Variants in ARHGEF26 observed in about 807,000 individuals in gnomAD.
The protein encoded by ARHGEF26 is Rho guanine nucleotide exchange factor (GEF) 26.
In ARHGEF26, 59 loss-of-function variants were observed where a neutral mutation model predicts 89.4. The ratio of observed to expected loss-of-function variants is 0.66; its 90% CI spans 0.54 to 0.82. The LOEUF is 0.82. Ranked by LOEUF, ARHGEF26 falls within the 40% of genes least tolerant of loss-of-function variation. The probability of loss-of-function intolerance (pLI) is 0.00; values close to 1 mark genes in which losing one functional copy is unlikely to be tolerated. For synonymous variants in ARHGEF26, 500 were observed against 428.4 expected (o/e 1.17, Z -2.06); for missense variants, 1,234 against 1,085.6 (o/e 1.14, Z -1.92).
intron 9 of ARHGEF26, among the ~76,000 whole-genome samples, chr3:154,199,918 C>G (rs920754759): frequency 6.6e-6 from 1 of 151,800 alleles, no homozygotes; most frequent in African/African-American, 2.4e-5. Flanking sequence ...GATTTTTTTT[C>G]TATAGAGTTA....
intron 4 of ARHGEF26, among the ~76,000 whole-genome samples, chr3:154,135,506 C>A (rs1218947439): frequency 6.6e-6 from 1 of 152,038 alleles, no homozygotes; most frequent in Non-Finnish European, 1.5e-5. Context: ...GGTTTTGAAA[C>A]CTCAATGACT....
In ARHGEF26 at chr3:154,253,093, G is replaced by A. The variant is rs780421854; in HGVS notation, c.2301-23G>A. ...GTGTTTTTACACCTTGAGTCTCTCA[G>A]TTGGATCTGCCCTCTGTTTTAGGAG... On this transcript the variant is annotated intron_variant, in intron 12 of 14. Coordinates refer to ENST00000465093, the MANE Select transcript of ARHGEF26 (RefSeq NM_015595.4). 2.5e-6 allele frequency: 4 copies of A among 1,613,596 alleles called. No homozygotes were observed. The South Asian group carries it at 3.3e-5, about 13-fold the overall frequency.
chr3:154,125,298 T>C (rs1718263289), intron 3 of ARHGEF26, among the ~76,000 whole-genome samples: 1 of 152,200 alleles, frequency 6.6e-6, no homozygotes, highest in Non-Finnish European at 1.5e-5. Flanking sequence ...CTATATAATT[T>C]TTATAAAGAT....
intron 6 of ARHGEF26, among the ~76,000 whole-genome samples, chr3:154,175,479 G>T (rs1156967977): frequency 6.6e-6 from 1 of 151,952 alleles, no homozygotes; most frequent in East Asian, 1.9e-4. Flanking sequence ...CTGGAGATGT[G>T]TAAAAGAAAA....
At chr3:154,253,245 G>A (rs541621878) in intron 13 of ARHGEF26, 62 bp downstream of exon 13, 6 of 1,586,550 alleles carry the variant, frequency 3.8e-6, no homozygotes, top group Non-Finnish European at 5.2e-6. Context: ...CCTGCTGGAC[G>A]CCGGGTTACT....
intron 11 of ARHGEF26, among the ~76,000 whole-genome samples, 191 bp from the exon 12 acceptor site, chr3:154,240,179 T>C (rs72994653): frequency 0.011 from 1,730 of 152,268 alleles, 10 homozygotes; most frequent in African/African-American, 0.023. Context: ...TTAGGTTTAA[T>C]TGGAGGGGGT....
chr3:154,129,446 A>T, intron 3 of ARHGEF26, 128 bp from the exon 4 acceptor site: 2 of 1,032,328 alleles, frequency 1.9e-6, no homozygotes, highest in Non-Finnish European at 2.8e-6. Context: ...TTCTTCAGGG[A>T]CTAAATCTGT....
In ARHGEF26 at chr3:154,217,892, C is replaced by T. The variant is rs200935548; in HGVS notation, c.1869C>T (p.Gly623=). 71 of 1,601,786 alleles carry T rather than the reference C, an allele frequency of 4.4e-5. No individual in the cohort carries two copies. Among genetic ancestry groups the T allele is most frequent in the Non-Finnish European group, 4.9e-5 (58 of 1,173,906 alleles). Residue 623 remains glycine, a synonymous_variant, in exon 10 of 15, where the codon GGC becomes GGT. Coordinates refer to ENST00000465093, the MANE Select transcript of ARHGEF26 (RefSeq NM_015595.4). ...AGTTGGTTCGACTATGCAATGAGGG[C>T]GCCCGGAAGATGGAAAGGACTGAGA... ...VSKLVRLCNE[G]ARKMERTEMM...
chr3:154,199,395 T>C (rs531371579), intron 9 of ARHGEF26, among the ~76,000 whole-genome samples: 291 of 152,276 alleles, frequency 1.9e-3, no homozygotes, highest in Non-Finnish European at 3.5e-3. Flanking sequence ...TGACTAGATA[T>C]CATTCTTTTT....
At chr3:154,199,436 G>A (rs986885335) in intron 9 of ARHGEF26, among the ~76,000 whole-genome samples, 2 of 151,964 alleles carry the variant, frequency 1.3e-5, no homozygotes, top group African/African-American at 4.8e-5. Flanking sequence ...TTGTGTGTAT[G>A]TACTACATTT....
Position 154,124,400 on chromosome 3 carries a change from T to TG in ARHGEF26, c.1084-9dup, listed in dbSNP as rs2108035442. 1 of 1,480,800 alleles carries TG rather than the reference T, an allele frequency of 6.8e-7. No homozygotes were observed. Among genetic ancestry groups the TG allele is most frequent in the African/African-American group, 1.5e-5 (1 of 68,722 alleles). The allele number at this position is 1,480,800 out of a possible 1,614,324, so 91.7% of individuals were successfully genotyped here. ...TTTTTTTTTTTTTTTTACTTTTTTT[T>TG]GTCTCTTAGAAAAAAATGCTGAAAG... is the stretch of plus-strand genomic sequence containing the variant. On this transcript the variant is annotated splice_polypyrimidine_tract_variant and intron_variant, in intron 2 of 14. Coordinates refer to ENST00000465093, the MANE Select transcript of ARHGEF26 (RefSeq NM_015595.4).
At chr3:154,123,487 C>A (rs1718128136) in intron 2 of ARHGEF26, among the ~76,000 whole-genome samples, 1 of 152,154 alleles carries the variant, frequency 6.6e-6, no homozygotes, top group Non-Finnish European at 1.5e-5. Context: ...GTTATCACAG[C>A]TGATTCAGAA....
chr3:154,130,164 T>TTTTTTTTGG (rs1718599193), intron 4 of ARHGEF26, among the ~76,000 whole-genome samples: 1 of 149,418 alleles, frequency 6.7e-6, no homozygotes. Flanking sequence ...TTTTTTTTTT[T>TTTTTTTTGG]GAGATGAGGT....
rs916412582 is a variant in ARHGEF26, at chr3:154,240,597, A to G, written c.2300+18A>G. On this transcript the variant is annotated intron_variant, in intron 12 of 14. Coordinates refer to ENST00000465093, the MANE Select transcript of ARHGEF26 (RefSeq NM_015595.4). ...GAGACGCAGTAAGTATATGTGGGGA[A>G]AAGATTGGAATAGCTGATAGTATCT... The G allele has an allele frequency of 6.3e-7, 1 of 1,584,278 alleles. No homozygotes were observed. The highest frequency in any genetic ancestry group is 8.6e-7 in the Non-Finnish European group (1 of 1,164,008).
chr3:154,180,304 G>T (rs1713101990), intron 6 of ARHGEF26, among the ~76,000 whole-genome samples: 1 of 152,104 alleles, frequency 6.6e-6, no homozygotes, highest in East Asian at 2.0e-4. Flanking sequence ...ACATGTACAT[G>T]GCCATCATTT....
At chr3:154,176,329 G>T (rs1002556307) in intron 6 of ARHGEF26, among the ~76,000 whole-genome samples, 3 of 152,102 alleles carry the variant, frequency 2.0e-5, no homozygotes, top group African/African-American at 7.2e-5. Flanking sequence ...AAAATGCAAG[G>T]GTATATGTAT....
rs566839559 is a variant in ARHGEF26 at position 154,217,966 on chromosome 3, CG to C, written c.1935+9del. On this transcript the variant is annotated intron_variant, in intron 10 of 14. Coordinates refer to ENST00000465093, the MANE Select transcript of ARHGEF26 (RefSeq NM_015595.4). ...CTGGAATTTAAAATTAAGGTATTCT[CG>C]TACCTTGTTCATTACTGTTCTTGCC... 292 of 1,564,334 alleles carry C rather than the reference CG, an allele frequency of 1.9e-4. 1 individual carries two copies. In the African/African-American group the frequency reaches 2.7e-3, roughly 14 times the overall value.
intron 6 of ARHGEF26, among the ~76,000 whole-genome samples, chr3:154,178,596 T>C (rs1472781001): frequency 6.6e-6 from 1 of 152,216 alleles, no homozygotes; most frequent in African/African-American, 2.4e-5. Flanking sequence ...CTGAATAATA[T>C]GTTATTGTGT....
intron 5 of ARHGEF26, among the ~76,000 whole-genome samples, chr3:154,152,433 T>TA (rs1720077817): frequency 6.6e-6 from 1 of 152,178 alleles, no homozygotes; most frequent in African/African-American, 2.4e-5. Context: ...CAAAGGTTAA[T>TA]TAATGTCTCA....
Sources: gnomAD v4.1 joint callset for allele counts (sites outside exome capture counted in the v4.1 genomes callset) on GRCh38, gnomAD v4.1.1 for gene constraint, MANE v1.5 for transcripts, NCBI Gene and HGNC (gene_info 2026-07-23, HGNC 2026-07-21) for gene names.